SPON1: variants seen among roughly 807,000 people sequenced by gnomAD.
SPON1 encodes the protein spondin-1.
Under a neutral mutation model 111.7 loss-of-function variants are expected in SPON1, and 52 were observed. That is an observed-to-expected ratio of 0.47 (90% CI 0.37 to 0.59). The LOEUF (loss-of-function observed/expected upper bound fraction) is 0.59, where lower values mean the gene tolerates loss of function less well. Ranked by LOEUF, SPON1 falls within the 20% of genes least tolerant of loss-of-function variation. The probability of loss-of-function intolerance (pLI) is 0.00; values close to 1 mark genes in which losing one functional copy is unlikely to be tolerated. For synonymous variants in SPON1, 410 were observed against 395.8 expected (o/e 1.04, Z -0.43); for missense variants, 957 against 1,068.5 (o/e 0.90, Z 1.46).
intron 5 of SPON1, among the ~76,000 whole-genome samples, chr11:14,104,278 G>A (rs151301585): frequency 1.3e-4 from 19 of 151,178 alleles, no homozygotes; most frequent in East Asian, 7.8e-4. Flanking sequence ...ACCCTAGTCC[G>A]CTTAGGTTTA....
chr11:14,118,865 A>C (rs529603984), intron 5 of SPON1, among the ~76,000 whole-genome samples: 1 of 152,294 alleles, frequency 6.6e-6, no homozygotes, highest in Non-Finnish European at 1.5e-5. Context: ...CAGTTCTCTC[A>C]CCATAACATG....
At chr11:14,187,254 C>CCAAA (rs1372209306) in intron 6 of SPON1, among the ~76,000 whole-genome samples, 1 of 152,152 alleles carries the variant, frequency 6.6e-6, no homozygotes, top group East Asian at 1.9e-4. Context: ...CCTGCATGAC[C>CCAAA]CAAACACCTC....
chr11:13,992,007 G>A (rs2133787522), intron 2 of SPON1, among the ~76,000 whole-genome samples: 1 of 152,296 alleles, frequency 6.6e-6, no homozygotes, highest in Middle Eastern at 3.4e-3. Flanking sequence ...TTCCTACTGG[G>A]AGGTGTCTCC....
chr11:14,151,201 T>C (rs77120929), intron 6 of SPON1, among the ~76,000 whole-genome samples: 12,324 of 152,262 alleles, frequency 0.081, 655 homozygotes, highest in East Asian at 0.18. Context: ...AGCTCTGTTA[T>C]CCTGAAGCTC....
At chr11:13,992,533 T>A (rs1211260596) in intron 2 of SPON1, among the ~76,000 whole-genome samples, 1 of 152,140 alleles carries the variant, frequency 6.6e-6, no homozygotes, top group Non-Finnish European at 1.5e-5. Context: ...ACCACTTGGC[T>A]CCCTGGCTTC....
chr11:14,011,382 T>G (rs1303493536), intron 2 of SPON1, among the ~76,000 whole-genome samples: 3 of 145,764 alleles, frequency 2.1e-5, no homozygotes, highest in Non-Finnish European at 4.7e-5. Flanking sequence ...AGGAAAGCTA[T>G]GTACTGTGTC....
At chr11:13,982,805 T>C (rs1564878808) in intron 1 of SPON1, 42 bp from the exon 2 acceptor site, 2 of 1,333,352 alleles carry the variant, frequency 1.5e-6, no homozygotes, top group Non-Finnish European at 2.1e-6. Flanking sequence ...TGGACAATAA[T>C]TGATTCTTAT....
chr11:14,144,144 A>T (rs1422785183), intron 6 of SPON1, among the ~76,000 whole-genome samples: 7 of 152,152 alleles, frequency 4.6e-5, no homozygotes. Flanking sequence ...TTGGAGTATG[A>T]GCTCATTATT....
At chr11:14,143,015 T>C (rs1847674449) in intron 6 of SPON1, among the ~76,000 whole-genome samples, 1 of 152,244 alleles carries the variant, frequency 6.6e-6, no homozygotes, top group Admixed American at 6.5e-5. Flanking sequence ...CTGCCTCTGC[T>C]TACTTGGGTT....
At chr11:14,003,555 C>A (rs1848335738) in intron 2 of SPON1, among the ~76,000 whole-genome samples, 1 of 152,032 alleles carries the variant, frequency 6.6e-6, no homozygotes, top group African/African-American at 2.4e-5. Context: ...TGGGAATAAC[C>A]CACATTTGGC....
Position 14,135,510 on chromosome 11 carries a change from T to C in SPON1, c.767T>C (p.Val256Ala). Residue 256 changes from valine to alanine, a missense_variant, in exon 6 of 16, where the codon GTC becomes GCC. Physicochemically the swap from Val to Ala is moderately conservative, Grantham distance 64. This residue lies in a region of SPON1 where 122 missense variants were observed against 143.2 expected (regional missense o/e 0.85). Transcript: ENST00000576479. This position sits in a 1 kb window ranked among gnomAD's most constrained non-coding sequence, Gnocchi z 4.4. ...WEYGGYASEG[V>A]KQVAELGSPV... Reference sequence around the variant, plus strand: ...TATGGAGGATATGCCAGCGAAGGCGTCAAACAAGTTGCAGAATTGGGCTCA... The same window carrying C: ...TATGGAGGATATGCCAGCGAAGGCGCCAAACAAGTTGCAGAATTGGGCTCA... 3.1e-6 allele frequency: 5 copies of C among 1,613,940 alleles called. No homozygotes were observed. Among genetic ancestry groups the C allele is most frequent in the Non-Finnish European group, 4.2e-6 (5 of 1,179,834 alleles).
intron 5 of SPON1, among the ~76,000 whole-genome samples, chr11:14,103,137 G>A (rs1266527408): frequency 6.6e-6 from 1 of 152,114 alleles, no homozygotes; most frequent in African/African-American, 2.4e-5. Flanking sequence ...CGAGGCCCAG[G>A]CATCATGTCG....
chr11:14,039,498 G>A (rs1232322664), intron 2 of SPON1, among the ~76,000 whole-genome samples: 1 of 152,062 alleles, frequency 6.6e-6, no homozygotes, highest in East Asian at 1.9e-4. Flanking sequence ...CAGTTTTGCT[G>A]TGAACCTAAA....
At chr11:14,243,907 C>T (rs1409391633) in intron 7 of SPON1, among the ~76,000 whole-genome samples, 1 of 152,204 alleles carries the variant, frequency 6.6e-6, no homozygotes, top group Non-Finnish European at 1.5e-5. Context: ...TGGATGGATA[C>T]AGTGGTATAT....
chr11:14,191,961 G>A (rs1554934595), intron 6 of SPON1, among the ~76,000 whole-genome samples: 1 of 152,124 alleles, frequency 6.6e-6, no homozygotes. Flanking sequence ...TTGTATAATT[G>A]AGGATTTTAT....
At chr11:14,149,126 T>A (rs1847758582) in intron 6 of SPON1, among the ~76,000 whole-genome samples, 1 of 152,134 alleles carries the variant, frequency 6.6e-6, no homozygotes, top group Non-Finnish European at 1.5e-5. Flanking sequence ...CCTTCACAGG[T>A]ATTCCAAAGG....
At chr11:13,964,214 G>T (rs1276118150) in intron 1 of SPON1, among the ~76,000 whole-genome samples, 1 of 152,228 alleles carries the variant, frequency 6.6e-6, no homozygotes, top group African/African-American at 2.4e-5. Context: ...AGGGAAGCGA[G>T]CCTGTCTGGC....
chr11:14,188,206 C>A (rs942820709), intron 6 of SPON1, among the ~76,000 whole-genome samples: 21 of 152,264 alleles, frequency 1.4e-4, no homozygotes, highest in African/African-American at 4.8e-4. Context: ...CTGTGCCCGG[C>A]CCGTAAAAGA....
At chr11:14,013,375 ATCTAC>A (rs1297264881) in intron 2 of SPON1, among the ~76,000 whole-genome samples, 4 of 152,228 alleles carry the variant, frequency 2.6e-5, no homozygotes, top group Admixed American at 2.0e-4. Flanking sequence ...GAATAAAAAA[ATCTAC>A]TCTATTAGTA....
Sources: allele counts gnomAD v4.1 joint callset (sites outside exome capture counted in the v4.1 genomes callset), GRCh38; gene constraint gnomAD v4.1.1; regional missense constraint gnomAD v4.1.1; non-coding constraint Gnocchi (gnomAD v3.1); transcripts MANE v1.5; gene names NCBI Gene and HGNC (gene_info 2026-07-23, HGNC 2026-07-21).